The following DLC1 variants were observed in gnomAD, a reference collection of about 807,000 sequenced individuals.
The protein encoded by DLC1 is DLC1 Rho GTPase activating protein, also known as rho GTPase-activating protein 7.
In DLC1, 54 loss-of-function variants were observed where a neutral mutation model predicts 140.3. The observed-to-expected ratio is 0.38, with a 90% confidence interval of 0.31 to 0.48. The LOEUF is 0.48. Ranked by LOEUF, DLC1 falls within the 20% of genes least tolerant of loss-of-function variation. The pLI is 0.96. For synonymous variants in DLC1, 986 were observed against 728.1 expected (o/e 1.35, Z -5.70); for missense variants, 2,536 against 1,907.0 (o/e 1.33, Z -6.14).
chr8:13,372,970 C>T (rs1189842138), intron 4 of DLC1, among the ~76,000 whole-genome samples: 2 of 152,188 alleles, frequency 1.3e-5, no homozygotes, highest in Non-Finnish European at 2.9e-5. Context: ...GAAGTAGCTA[C>T]AGGAAGCAGC....
At chr8:13,388,428 A>G (rs1836614004) in intron 4 of DLC1, among the ~76,000 whole-genome samples, 1 of 152,004 alleles carries the variant, frequency 6.6e-6, no homozygotes, top group Non-Finnish European at 1.5e-5. Flanking sequence ...CACACTATAC[A>G]TTGGTAACAA....
At chr8:13,437,433 A>C (rs769681704) in intron 2 of DLC1, among the ~76,000 whole-genome samples, 1 of 152,204 alleles carries the variant, frequency 6.6e-6, no homozygotes, top group Non-Finnish European at 1.5e-5. Context: ...TTATTTTCCT[A>C]CAGTCAAAAC....
At chr8:13,376,754 C>T (rs1057462688) in intron 4 of DLC1, among the ~76,000 whole-genome samples, 1 of 152,130 alleles carries the variant, frequency 6.6e-6, no homozygotes, top group Non-Finnish European at 1.5e-5. Context: ...TGCTTTCACC[C>T]ACAGAGGAGT....
At chr8:13,420,702 A>C (rs984035515) in intron 2 of DLC1, among the ~76,000 whole-genome samples, 1 of 152,136 alleles carries the variant, frequency 6.6e-6, no homozygotes, top group African/African-American at 2.4e-5. Flanking sequence ...GATGGCTTCC[A>C]GCTTCATCCA....
At chr8:13,599,633 C>T (rs1188141261) in intron 1 of DLC1, among the ~76,000 whole-genome samples, 1 of 151,788 alleles carries the variant, frequency 6.6e-6, no homozygotes, top group East Asian at 1.9e-4. Flanking sequence ...AATTGTAAAA[C>T]AATGAGAGAT....
intron 2 of DLC1, among the ~76,000 whole-genome samples, chr8:13,464,573 C>A (rs560842002): frequency 1.3e-5 from 2 of 151,568 alleles, no homozygotes; most frequent in African/African-American, 4.8e-5. Context: ...TACAATGATC[C>A]CCTGTGAATC....
intron 5 of DLC1, among the ~76,000 whole-genome samples, chr8:13,161,592 C>T (rs1289319723): frequency 6.6e-6 from 1 of 152,212 alleles, no homozygotes; most frequent in African/African-American, 2.4e-5. Context: ...CTGCTTTAGC[C>T]TCCCAAAGTC....
At chr8:13,443,069 C>T (rs1403530297) in intron 2 of DLC1, among the ~76,000 whole-genome samples, 3 of 151,884 alleles carry the variant, frequency 2.0e-5, no homozygotes, top group Non-Finnish European at 4.4e-5. Flanking sequence ...ATGGATGAAG[C>T]TGGAAACCAT....
chr8:13,098,834 T>C (rs1412030973), intron 9 of DLC1, among the ~76,000 whole-genome samples: 2 of 152,130 alleles, frequency 1.3e-5, no homozygotes, highest in Non-Finnish European at 2.9e-5. Context: ...CAGCTTGGTC[T>C]CAAACTCTTG....
At chr8:13,127,373 C>A (rs7829104) in intron 5 of DLC1, among the ~76,000 whole-genome samples, 78,443 of 152,108 alleles carry the variant, frequency 0.52, 22,783 homozygotes, top group East Asian at 0.78. Flanking sequence ...GCCCCTCAGT[C>A]GGGAAAAGGC....
chr8:13,596,734 G>A (rs79522226), intron 1 of DLC1, among the ~76,000 whole-genome samples: 6,650 of 151,994 alleles, frequency 0.044, 484 homozygotes, highest in African/African-American at 0.15. Context: ...CCTGGCATAT[G>A]GGCCTAAAAA....
rs187391222 is a variant in DLC1 at position 13,222,388 on chromosome 8, A to C, written c.1348+82881T>G. On this transcript the variant is annotated intron_variant, in intron 5 of 17. Transcript: ENST00000276297. ...AAAAGTGTTTGAGACATTACATTCC[A>C]TGTCAGTATTTCATTGATTATACTG... 1.1e-3 allele frequency among the ~76,000 whole-genome samples: 166 copies of C among 152,278 alleles called. No individual in the cohort carries two copies. The East Asian group carries it at 0.019, about 17-fold the overall frequency.
chr8:13,454,891 A>G (rs1273172688), intron 2 of DLC1, among the ~76,000 whole-genome samples: 1 of 152,010 alleles, frequency 6.6e-6, no homozygotes, highest in East Asian at 1.9e-4. Flanking sequence ...CAGTATTGGG[A>G]CCATTTGTTG....
chr8:13,487,374 A>G (rs58552731), intron 2 of DLC1, among the ~76,000 whole-genome samples: 16,530 of 152,136 alleles, frequency 0.11, 1,095 homozygotes, highest in East Asian at 0.23. Flanking sequence ...AAATTCATCA[A>G]TGAATTTTGT....
chr8:13,158,146 T>C (rs1406873504), intron 5 of DLC1, among the ~76,000 whole-genome samples: 1 of 152,210 alleles, frequency 6.6e-6, no homozygotes, highest in Non-Finnish European at 1.5e-5. Context: ...CTGTGTGTCA[T>C]ATAAAAGCCC....
chr8:13,189,348 C>T (rs1052795844), intron 5 of DLC1, among the ~76,000 whole-genome samples: 3 of 152,158 alleles, frequency 2.0e-5, no homozygotes, highest in Non-Finnish European at 2.9e-5. Context: ...TGCTGTGGCT[C>T]ACACCTGTAA....
At chr8:13,481,174 C>T (rs1800717407) in intron 2 of DLC1, among the ~76,000 whole-genome samples, 1 of 152,060 alleles carries the variant, frequency 6.6e-6, no homozygotes, top group Non-Finnish European at 1.5e-5. Flanking sequence ...CCTGTAATCC[C>T]AGTAACTTGG....
At chr8:13,209,922 A>G (rs544344442) in intron 5 of DLC1, among the ~76,000 whole-genome samples, 4 of 152,166 alleles carry the variant, frequency 2.6e-5, no homozygotes, top group Non-Finnish European at 4.4e-5. Context: ...ATTTCTTTAT[A>G]GCAATGCAAG....
At chr8:13,086,701 C>T (rs1817595567) in intron 16 of DLC1, among the ~76,000 whole-genome samples, 1 of 152,084 alleles carries the variant, frequency 6.6e-6, no homozygotes, top group East Asian at 1.9e-4. Context: ...GAGGTGGGGC[C>T]TAATGGGAGC....
Sources: gnomAD v4.1 joint callset for allele counts (sites outside exome capture counted in the v4.1 genomes callset) on GRCh38, gnomAD v4.1.1 for gene constraint, MANE v1.5 for transcripts, NCBI Gene and HGNC (gene_info 2026-07-23, HGNC 2026-07-21) for gene names.